COG2: variants seen among roughly 807,000 people sequenced by gnomAD.
The protein encoded by COG2 is conserved oligomeric Golgi complex subunit 2.
In COG2, 52 loss-of-function variants were observed where a neutral mutation model predicts 90.6. The observed-to-expected ratio is 0.57, with a 90% CI of 0.46 to 0.72. COG2 has a LOEUF of 0.72. Ranked by LOEUF, COG2 falls within the 30% of genes least tolerant of loss-of-function variation. The pLI is 0.00. For synonymous variants in COG2, 337 were observed against 320.4 expected (o/e 1.05, Z -0.55); for missense variants, 829 against 891.2 (o/e 0.93, Z 0.89).
At chr1:230,678,522 TTTC>T in intron 9 of COG2, 4 of 985,368 alleles carry the variant, frequency 4.1e-6, no homozygotes, top group Non-Finnish European at 4.8e-6. Context: ...CTTCTCTCTC[TTTC>T]TTCTTCAGAA....
chr1:230,688,292 G>C (rs952236232), intron 14 of COG2, 128 bp from the exon 15 acceptor site: 12 of 1,286,644 alleles, frequency 9.3e-6, no homozygotes, highest in Non-Finnish European at 1.3e-5. Context: ...ACCTAAATAA[G>C]ATGTTTTATT....
At chr1:230,690,195 G>T (rs1175912682) in intron 16 of COG2, 42 bp downstream of exon 16, 3 of 1,588,126 alleles carry the variant, frequency 1.9e-6, no homozygotes, top group Admixed American at 1.7e-5. Flanking sequence ...TTGCTTAGAA[G>T]AGTCTGCGGC....
chr1:230,679,942 T>C (rs1187758599), intron 10 of COG2: 1 of 152,206 alleles, frequency 6.6e-6, no homozygotes, highest in Non-Finnish European at 1.5e-5. Context: ...TTGCTTGAGA[T>C]GATTGAGAAT....
chr1:230,675,960 T>G (rs1662582255), intron 9 of COG2, among the ~76,000 whole-genome samples: 1 of 150,148 alleles, frequency 6.7e-6, no homozygotes, highest in Non-Finnish European at 1.5e-5. Context: ...ATTCCACCCC[T>G]GCTTCCCCCG....
chr1:230,663,355 A>G (rs1662237670), intron 4 of COG2, 134 bp downstream of exon 4: 2 of 368,356 alleles, frequency 5.4e-6, no homozygotes, highest in East Asian at 8.9e-5. Flanking sequence ...TCTCTTTTAT[A>G]TTAAAGTGTT....
intron 1 of COG2, among the ~76,000 whole-genome samples, chr1:230,649,532 C>A (rs923277761): frequency 1.1e-4 from 17 of 152,228 alleles, no homozygotes; most frequent in South Asian, 4.2e-4. Context: ...ATTTTATTTT[C>A]TTTGTAGCAC....
chr1:230,643,217 T>TAA (rs1451584386), intron 1 of COG2, among the ~76,000 whole-genome samples: 2 of 152,248 alleles, frequency 1.3e-5, no homozygotes, highest in Admixed American at 1.3e-4. Flanking sequence ...CATTACTCTT[T>TAA]AAAGAAGTTG....
rs114471396 is a variant in COG2 at position 230,684,395 on chromosome 1, T to G, written c.1229-690T>G. ...TGGAGCATGCATCCTGGGCCTCCTG[T>G]GCCCTGGCCGCCCATCCTAGGATGT... On this transcript the variant is annotated intron_variant, in intron 11 of 17. Transcript: ENST00000366669. 1,193 of 152,582 alleles carry G rather than the reference T, an allele frequency of 7.8e-3. 11 individuals carry two copies. Among genetic ancestry groups the G allele is most frequent in the Middle Eastern group, 0.027 (8 of 296 alleles). 9.5% of individuals were successfully genotyped at this position (152,582 alleles called of 1,614,324 possible). A position where few individuals can be genotyped will look rare whatever the true frequency, so the allele number is the denominator to read the frequency against.
chr1:230,668,633 G>A (rs1481649789), intron 5 of COG2, 43 bp from the exon 6 acceptor site: 2 of 1,204,026 alleles, frequency 1.7e-6, no homozygotes, highest in Admixed American at 2.0e-5. Context: ...CGTGGAAATA[G>A]AGACCTTAGG....
chr1:230,674,783 G>A (rs1662543923), intron 8 of COG2, among the ~76,000 whole-genome samples: 1 of 152,170 alleles, frequency 6.6e-6, no homozygotes, highest in Admixed American at 6.5e-5. Flanking sequence ...GAGGAGTCAG[G>A]ATCTAGGAGA....
chr1:230,651,963 C>T (rs1254525676), intron 1 of COG2, among the ~76,000 whole-genome samples: 2 of 152,140 alleles, frequency 1.3e-5, no homozygotes, highest in Non-Finnish European at 1.5e-5. Flanking sequence ...CTAGTAACAT[C>T]TTGAATTAGT....
At chr1:230,674,504 C>G (rs1309290175) in intron 8 of COG2, among the ~76,000 whole-genome samples, 2 of 152,236 alleles carry the variant, frequency 1.3e-5, no homozygotes, top group East Asian at 3.8e-4. Flanking sequence ...TAAGATTTCA[C>G]ATTTGATAGT....
At chr1:230,678,841 C>T in intron 9 of COG2, 72 bp from the exon 10 acceptor site, 1 of 1,590,074 alleles carries the variant, frequency 6.3e-7, no homozygotes, top group Non-Finnish European at 8.6e-7. Flanking sequence ...ATCTTGATTA[C>T]AGTTTTCAGT....
chr1:230,684,709 ACT>A (rs1318232283), intron 11 of COG2, among the ~76,000 whole-genome samples: 1 of 152,082 alleles, frequency 6.6e-6, no homozygotes, highest in African/African-American at 2.4e-5. Context: ...ATAGAGGAAG[ACT>A]CTTGTGAAAT....
At chr1:230,646,441 A>T (rs564421011) in intron 1 of COG2, among the ~76,000 whole-genome samples, 2 of 151,972 alleles carry the variant, frequency 1.3e-5, no homozygotes, top group South Asian at 2.1e-4. Flanking sequence ...TTGCATAATC[A>T]TTCTCCTCCT....
intron 9 of COG2, among the ~76,000 whole-genome samples, chr1:230,677,653 G>A (rs1662633785): frequency 6.6e-6 from 1 of 152,238 alleles, no homozygotes; most frequent in Non-Finnish European, 1.5e-5. Context: ...ACAATTTGCT[G>A]TGTGCTTTAG....
At chr1:230,654,707 A>G (rs1302392220) in intron 1 of COG2, among the ~76,000 whole-genome samples, 1 of 152,220 alleles carries the variant, frequency 6.6e-6, no homozygotes, top group Non-Finnish European at 1.5e-5. Context: ...TTTTCATGAT[A>G]TTGATTCTTC....
intron 8 of COG2, 77 bp downstream of exon 8, chr1:230,671,717 C>T: frequency 4.5e-6 from 6 of 1,343,486 alleles, no homozygotes; most frequent in South Asian, 2.5e-5. Context: ...GCACGATGGA[C>T]GATGACTGTC....
chr1:230,653,146 A>G (rs1661954176), intron 1 of COG2, among the ~76,000 whole-genome samples: 1 of 151,894 alleles, frequency 6.6e-6, no homozygotes, highest in Non-Finnish European at 1.5e-5. Context: ...ATTACTCCCA[A>G]CGCCAATCCC....
Sources: gnomAD v4.1 joint callset for allele counts (sites outside exome capture counted in the v4.1 genomes callset) on GRCh38, gnomAD v4.1.1 for gene constraint, MANE v1.5 for transcripts, NCBI Gene and HGNC (gene_info 2026-07-23, HGNC 2026-07-21) for gene names.